The following FRMD4B variants were observed in gnomAD, a reference collection of about 807,000 sequenced individuals.
The protein encoded by FRMD4B is FERM domain containing 4B, also known as FERM domain-containing protein 4B.
A neutral mutation model predicts 141.5 loss-of-function variants in FRMD4B; 74 were observed. The observed-to-expected ratio is 0.52, with a 90% CI of 0.43 to 0.63. The LOEUF (loss-of-function observed/expected upper bound fraction) is 0.63. FRMD4B is among the 30% of genes least tolerant of loss of function. FRMD4B has a pLI of 0.00. For synonymous variants in FRMD4B, 506 were observed against 467.9 expected (o/e 1.08, Z -1.05); for missense variants, 1,366 against 1,253.4 (o/e 1.09, Z -1.36).
chr3:69,480,279 C>T (rs1025123244), intron 1 of FRMD4B, among the ~76,000 whole-genome samples: 15 of 152,330 alleles, frequency 9.8e-5, no homozygotes, highest in East Asian at 1.9e-4. Context: ...GGAGGAGAGG[C>T]GCTCTGCTTT....
intron 5 of FRMD4B, among the ~76,000 whole-genome samples, chr3:69,272,808 C>T (rs145964560): frequency 2.7e-4 from 41 of 152,282 alleles, no homozygotes; most frequent in African/African-American, 9.6e-4. Context: ...TTAAATTGCA[C>T]TGAGACTAAT....
intron 7 of FRMD4B, among the ~76,000 whole-genome samples, chr3:69,227,279 G>A (rs1030455448): frequency 4.6e-5 from 7 of 151,988 alleles, no homozygotes; most frequent in Non-Finnish European, 8.8e-5. Flanking sequence ...CTTTTTTTGA[G>A]TACTGATCAA....
intron 5 of FRMD4B, among the ~76,000 whole-genome samples, chr3:69,283,975 C>CAAAAAAAA (rs544611686): frequency 1.7e-4 from 25 of 147,322 alleles, no homozygotes; most frequent in Non-Finnish European, 2.1e-4. Context: ...CAAAACAAAA[C>CAAAAAAAA]AAAAAAAACA....
intron 5 of FRMD4B, 191 bp from the exon 6 acceptor site, chr3:69,250,290 C>CCTGTGTGT: frequency 4.8e-6 from 2 of 417,770 alleles, no homozygotes; most frequent in East Asian, 8.4e-5. Context: ...ACTGTGTGTG[C>CCTGTGTGT]GTGTGTGTGT....
At chr3:69,188,438 C>G (rs2092794307) in intron 18 of FRMD4B, among the ~76,000 whole-genome samples, 1 of 152,152 alleles carries the variant, frequency 6.6e-6, no homozygotes, top group African/African-American at 2.4e-5. Flanking sequence ...CCAAACATCA[C>G]CTCACATGAA....
intron 2 of FRMD4B, among the ~76,000 whole-genome samples, chr3:69,407,120 A>G (rs907448970): frequency 6.6e-6 from 1 of 152,004 alleles, no homozygotes; most frequent in Non-Finnish European, 1.5e-5. Context: ...ATTTGCATAA[A>G]CTAGAACATG....
At chr3:69,206,683 C>G (rs1426267316) in intron 11 of FRMD4B, among the ~76,000 whole-genome samples, 1 of 152,150 alleles carries the variant, frequency 6.6e-6, no homozygotes, top group Non-Finnish European at 1.5e-5. Flanking sequence ...GGTTTTGTAC[C>G]TAGTCTGGTT....
intron 1 of FRMD4B, among the ~76,000 whole-genome samples, chr3:69,333,714 C>T (rs1438551677): frequency 6.6e-6 from 1 of 152,158 alleles, no homozygotes; most frequent in Non-Finnish European, 1.5e-5. Flanking sequence ...CAATTTCCAT[C>T]AAATTGTGAA....
intron 1 of FRMD4B, among the ~76,000 whole-genome samples, chr3:69,325,130 G>GAAAAA (rs1559806285): frequency 1.9e-4 from 19 of 97,584 alleles, no homozygotes; most frequent in Non-Finnish European, 2.8e-4. Flanking sequence ...AGAAAGAAAA[G>GAAAAA]AAATTAATTG....
chr3:69,354,506 C>T (rs1030010136), intron 1 of FRMD4B, among the ~76,000 whole-genome samples: 1 of 152,074 alleles, frequency 6.6e-6, no homozygotes, highest in Non-Finnish European at 1.5e-5. Flanking sequence ...AGAGAAACCT[C>T]GTGTTTTACA....
At chr3:69,185,910 C>G (rs145439552) in intron 19 of FRMD4B, among the ~76,000 whole-genome samples, 22 of 151,716 alleles carry the variant, frequency 1.5e-4, no homozygotes, top group African/African-American at 5.3e-4. Context: ...GGTGTGGTGG[C>G]GGGCATCTGT....
upstream of FRMD4B, chr3:69,386,316 A>G: frequency 4.2e-6 from 1 of 235,654 alleles, no homozygotes; most frequent in Admixed American, 5.7e-5. Flanking sequence ...GCCGGCGAGG[A>G]CTCCCCCTGG....
At chr3:69,539,553 G>C (rs1479553352) in intron 1 of FRMD4B, among the ~76,000 whole-genome samples, 1 of 152,158 alleles carries the variant, frequency 6.6e-6, no homozygotes, top group Non-Finnish European at 1.5e-5. Context: ...TGATCACCAT[G>C]ATCACTTGCA....
intron 18 of FRMD4B, among the ~76,000 whole-genome samples, chr3:69,189,655 C>T (rs746758751): frequency 2.6e-5 from 4 of 152,088 alleles, no homozygotes; most frequent in East Asian, 1.9e-4. Flanking sequence ...TAGATACTCC[C>T]GTGAGGGCAT....
At chr3:69,186,828 C>T (rs562137266) in intron 19 of FRMD4B, among the ~76,000 whole-genome samples, 2 of 152,154 alleles carry the variant, frequency 1.3e-5, no homozygotes, top group Admixed American at 6.5e-5. Flanking sequence ...TGTGAGCTGC[C>T]GCACTCAGCC....
chr3:69,267,634 TATAGAGAGAGAGAGAG>T (rs2093572996), intron 5 of FRMD4B, among the ~76,000 whole-genome samples: 2 of 10,262 alleles, frequency 1.9e-4, no homozygotes, highest in African/African-American at 7.3e-4. Flanking sequence ...TATATATATA[TATAGAGAGAGAGAGAG>T]AGAGAGAGAG....
intron 1 of FRMD4B, among the ~76,000 whole-genome samples, chr3:69,315,607 A>G (rs767321633): frequency 5.3e-5 from 8 of 152,328 alleles, no homozygotes; most frequent in African/African-American, 1.9e-4. Flanking sequence ...TGCTTTTTAA[A>G]TTCAATGATT....
intron 1 of FRMD4B, among the ~76,000 whole-genome samples, chr3:69,491,837 A>G (rs1028600508): frequency 6.6e-6 from 1 of 152,214 alleles, no homozygotes; most frequent in Non-Finnish European, 1.5e-5. Context: ...CACTGCAACC[A>G]TGTCTCCAGG....
rs539008168 is a variant in FRMD4B, at chr3:69,198,584, T to C, written c.953+114A>G. 10 of 663,578 alleles carry C rather than the reference T, an allele frequency of 1.5e-5. No individual in the cohort carries two copies. The Admixed American group carries it at 1.8e-4, about 12-fold the overall frequency. 41.1% of individuals were successfully genotyped at this position (663,578 alleles called of 1,614,324 possible). ...GACCCAGCAATTCCATTCCTAGGTA[T>C]ACACCCAAGAGAAATGAAAACATAT... On this transcript the variant is annotated intron_variant, in intron 12 of 22. Transcript: ENST00000398540.
Sources: gnomAD v4.1 joint callset for allele counts (sites outside exome capture counted in the v4.1 genomes callset) on GRCh38, gnomAD v4.1.1 for gene constraint, MANE v1.5 for transcripts, NCBI Gene and HGNC (gene_info 2026-07-23, HGNC 2026-07-21) for gene names.